Variants in GRIP1 observed in about 807,000 individuals in gnomAD.
The protein encoded by GRIP1 is glutamate receptor-interacting protein 1.
In GRIP1, 45 loss-of-function variants were observed where a neutral mutation model predicts 129.9. The ratio of observed to expected loss-of-function variants is 0.35; its 90% CI spans 0.27 to 0.44. The LOEUF is 0.44. Among genes scored for constraint, GRIP1 ranks in the 20% least tolerant of loss-of-function variants. The pLI, the probability that GRIP1 is intolerant of heterozygous loss-of-function variation, is 1.00. For missense variants in GRIP1, 1,196 were observed against 1,396.8 expected, an observed-to-expected ratio of 0.86 and a Z score of 2.29; for synonymous variants, 530 against 520.8, an observed-to-expected ratio of 1.02 and a Z score of -0.24.
In GRIP1 at chr12:66,793,159, T is replaced by G. The variant is rs536933192; in HGVS notation, c.-420+10894A>C. ...AAGTTTTATACCCACATTCACATTT[T>G]TGTTTATATAGATGCATTGGTTTTT... On this transcript the variant is annotated intron_variant, in intron 1 of 4. Transcript: ENST00000538373. Among the ~76,000 whole-genome samples the G allele has an allele frequency of 4.3e-4, 65 of 152,306 alleles. 1 individual carries two copies. The South Asian group carries it at 0.013, about 31-fold the overall frequency.
intron 1 of GRIP1, among the ~76,000 whole-genome samples, chr12:66,655,090 TA>T (rs1225593352): frequency 1.3e-5 from 2 of 152,220 alleles, no homozygotes; most frequent in Non-Finnish European, 2.9e-5. Flanking sequence ...TTGTATCAGA[TA>T]TTTTTAAAGT....
intron 11 of GRIP1, among the ~76,000 whole-genome samples, chr12:66,448,511 C>T (rs1285837366): frequency 6.6e-6 from 1 of 152,126 alleles, no homozygotes; most frequent in Non-Finnish European, 1.5e-5. Flanking sequence ...GATGAACCTC[C>T]TGTCAAACTT....
At chr12:66,677,401 T>C (rs911918294) in intron 1 of GRIP1, among the ~76,000 whole-genome samples, 1 of 152,134 alleles carries the variant, frequency 6.6e-6, no homozygotes, top group African/African-American at 2.4e-5. Flanking sequence ...CATCAACTTC[T>C]CAACATCAAG....
At chr12:67,024,833 G>C (rs1399830740) in intron 1 of GRIP1, among the ~76,000 whole-genome samples, 1 of 152,098 alleles carries the variant, frequency 6.6e-6, no homozygotes, top group East Asian at 1.9e-4. Context: ...TAATATGTTT[G>C]TCATAATTAT....
In GRIP1 at chr12:66,978,729, C is replaced by T. The variant is rs574050508; in HGVS notation, c.58+90321G>A. On this transcript the variant is annotated intron_variant, in intron 1 of 1. Coordinates refer to the GRIP1 transcript ENST00000643019. ...TAAGACAAAAAGTAGATAAAAATAA[C>T]TAATGGAAAACAAACAAACAAAAAA... is the stretch of plus-strand genomic sequence containing the variant. Among the ~76,000 whole-genome samples the T allele has an allele frequency of 2.0e-5, 3 of 152,254 alleles. No homozygotes were observed. The South Asian group carries it at 6.2e-4, about 32-fold the overall frequency.
intron 1 of GRIP1, among the ~76,000 whole-genome samples, chr12:66,714,472 A>G (rs1182131171): frequency 2.0e-5 from 3 of 152,026 alleles, no homozygotes; most frequent in African/African-American, 4.8e-5. Flanking sequence ...CTACTATAAA[A>G]GTTTGTGCCA....
chr12:66,538,974 A>C, intron 4 of GRIP1, 104 bp downstream of exon 4: 1 of 968,724 alleles, frequency 1.0e-6, no homozygotes, highest in Non-Finnish European at 1.6e-6. Context: ...TATGTATAGA[A>C]AAAAACCTGA....
chr12:66,863,337 A>C (rs2040145015), intron 1 of GRIP1, among the ~76,000 whole-genome samples: 1 of 152,138 alleles, frequency 6.6e-6, no homozygotes, highest in Non-Finnish European at 1.5e-5. Context: ...GTTCTTTTGA[A>C]GTTGATTTCT....
chr12:67,068,270 C>A (rs541490800), intron 1 of GRIP1, among the ~76,000 whole-genome samples: 2 of 152,300 alleles, frequency 1.3e-5, no homozygotes, highest in East Asian at 3.9e-4. Flanking sequence ...AGCAAAGTGT[C>A]CAGCACACTT....
At chr12:67,016,449 T>C (rs1356264118) in intron 1 of GRIP1, among the ~76,000 whole-genome samples, 4 of 152,126 alleles carry the variant, frequency 2.6e-5, no homozygotes, top group Non-Finnish European at 4.4e-5. Context: ...TCAATTTGAG[T>C]CTCACACTAA....
At chr12:66,892,479 GCAAGTTA>G (rs1337967589) in intron 1 of GRIP1, among the ~76,000 whole-genome samples, 2 of 152,254 alleles carry the variant, frequency 1.3e-5, no homozygotes, top group African/African-American at 4.8e-5. Flanking sequence ...ACCAATGAGA[GCAAGTTA>G]CATAACCATA....
intron 13 of GRIP1, among the ~76,000 whole-genome samples, chr12:66,440,210 G>A (rs2058432916): frequency 6.6e-6 from 1 of 151,762 alleles, no homozygotes; most frequent in Admixed American, 6.6e-5. Context: ...GTATATTTAT[G>A]GGTTACATGG....
intron 9 of GRIP1, among the ~76,000 whole-genome samples, chr12:66,462,079 CA>C (rs1196091470): frequency 2.0e-5 from 3 of 152,160 alleles, no homozygotes; most frequent in African/African-American, 7.2e-5. Flanking sequence ...AAACACCCAG[CA>C]AATGTATCTG....
intron 7 of GRIP1, among the ~76,000 whole-genome samples, chr12:66,494,479 T>C (rs956369424): frequency 6.6e-6 from 1 of 152,206 alleles, no homozygotes; most frequent in African/African-American, 2.4e-5. Flanking sequence ...GTCAGATTTG[T>C]GAGGTTCATC....
At chr12:66,525,947 T>A (rs1346991030) in intron 5 of GRIP1, among the ~76,000 whole-genome samples, 6 of 152,004 alleles carry the variant, frequency 3.9e-5, no homozygotes, top group Non-Finnish European at 8.8e-5. Flanking sequence ...TCAAAGAGAA[T>A]AAAATACCTA....
At chr12:66,733,857 T>A (rs1173854293) in intron 1 of GRIP1, among the ~76,000 whole-genome samples, 1 of 152,218 alleles carries the variant, frequency 6.6e-6, no homozygotes, top group Admixed American at 6.5e-5. Context: ...ATGACAGTTT[T>A]ATTTCAAGGG....
chr12:66,489,310 G>A (rs1157739313), intron 7 of GRIP1, among the ~76,000 whole-genome samples: 5 of 152,142 alleles, frequency 3.3e-5, no homozygotes, highest in Admixed American at 6.5e-5. Flanking sequence ...GAGATGCAAG[G>A]TTGGTTTAAC....
At chr12:66,680,158 A>T (rs534389722), upstream of GRIP1, among the ~76,000 whole-genome samples, 1 of 152,186 alleles carries the variant, frequency 6.6e-6, no homozygotes, top group Non-Finnish European at 1.5e-5. Context: ...AAACTACTTG[A>T]TTAATATTTC....
At chr12:66,757,675 G>A (rs1044817273) in intron 1 of GRIP1, among the ~76,000 whole-genome samples, 5 of 152,146 alleles carry the variant, frequency 3.3e-5, no homozygotes, top group Admixed American at 6.5e-5. Context: ...CCTCCAAATT[G>A]TTCTCCATAG....
Sources: gnomAD v4.1 joint callset for allele counts (sites outside exome capture counted in the v4.1 genomes callset) on GRCh38, gnomAD v4.1.1 for gene constraint, MANE v1.5 for transcripts, NCBI Gene and HGNC (gene_info 2026-07-23, HGNC 2026-07-21) for gene names.